The following FAM20C variants were observed in gnomAD, a reference collection of about 807,000 sequenced individuals.
FAM20C encodes the protein extracellular serine/threonine protein kinase FAM20C.
Under a neutral mutation model 51.5 loss-of-function variants are expected in FAM20C, and 40 were observed. That is an observed-to-expected ratio of 0.78 (90% CI 0.60 to 1.01). The LOEUF (loss-of-function observed/expected upper bound fraction) is 1.01, where lower values mean the gene tolerates loss of function less well. Among genes scored for constraint, FAM20C ranks in the 50% least tolerant of loss-of-function variants. The probability of loss-of-function intolerance (pLI) is 0.00; values close to 1 mark genes in which losing one functional copy is unlikely to be tolerated. For missense variants in FAM20C, 861 were observed against 844.7 expected (o/e 1.02, Z -0.24); for synonymous variants, 406 against 380.6 (o/e 1.07, Z -0.78).
intron 1 of FAM20C, chr7:195,323 A>C: frequency 2.3e-6 from 1 of 438,060 alleles, no homozygotes; most frequent in Non-Finnish European, 4.0e-6. Flanking sequence ...TGGTGTCTCC[A>C]GAGGGTGAGT....
At chr7:219,713 C>T (rs1433830271) in intron 3 of FAM20C, among the ~76,000 whole-genome samples, 5 of 152,126 alleles carry the variant, frequency 3.3e-5, no homozygotes, top group African/African-American at 9.7e-5. Flanking sequence ...CCTCCAGGGC[C>T]GGGGTAAGGA....
At position 256,175 on chromosome 7, in the gene FAM20C, C is replaced by T. The variant is rs575909221; in HGVS notation, c.1253+146C>T. On this transcript the variant is annotated intron_variant, in intron 6 of 9. Coordinates refer to ENST00000313766, the MANE Select transcript of FAM20C (RefSeq NM_020223.4). The stretch of plus-strand genomic sequence containing the variant: ...GCGATGCTGGCCTGTGTGAGATGAC[C>T]GCTTCCTGATGAGACGGTGGCAGAG... 2.6e-4 allele frequency: 274 copies of T among 1,035,874 alleles called. 1 individual carries two copies. Among genetic ancestry groups the T allele is most frequent in the Non-Finnish European group, 3.2e-4 (238 of 734,996 alleles). The allele number at this position is 1,035,874 out of a possible 1,614,324, so 64.2% of individuals were successfully genotyped here.
intron 3 of FAM20C, among the ~76,000 whole-genome samples, chr7:218,410 G>A (rs1332148316): frequency 1.3e-5 from 2 of 152,212 alleles, no homozygotes. Flanking sequence ...CAGTTCACCC[G>A]CACTGACCCT....
At chr7:242,744 G>A (rs1340383613) in intron 3 of FAM20C, among the ~76,000 whole-genome samples, 2 of 152,200 alleles carry the variant, frequency 1.3e-5, no homozygotes, top group African/African-American at 2.4e-5. Flanking sequence ...ACAGCCATGT[G>A]TGGCCACTGG....
Position 228,242 on chromosome 7 carries a change from C to T in FAM20C, c.864-18173C>T, listed in dbSNP as rs553033897. ...AATTCTGAGAAAATAAAAGATAGGTCAGTAGGCGACCCCTGCCCTGGGCAG... is the reference window on the plus strand; with the variant it reads ...AATTCTGAGAAAATAAAAGATAGGTTAGTAGGCGACCCCTGCCCTGGGCAG... On this transcript the variant is annotated intron_variant, in intron 3 of 9. Coordinates refer to ENST00000313766, the MANE Select transcript of FAM20C (RefSeq NM_020223.4). The T allele has an allele frequency of 1.8e-5, 6 of 337,686 alleles. No individual in the cohort carries two copies. In the Admixed American group the frequency reaches 2.3e-4, roughly 13 times the overall value. 20.9% of individuals were successfully genotyped at this position (337,686 alleles called of 1,614,324 possible).
chr7:235,299 G>A (rs1007417555), intron 3 of FAM20C, among the ~76,000 whole-genome samples: 4 of 152,010 alleles, frequency 2.6e-5, no homozygotes, highest in Admixed American at 2.6e-4. Context: ...TGGGGTATCC[G>A]GCGCCTTCTG....
intron 3 of FAM20C, among the ~76,000 whole-genome samples, chr7:210,611 T>C (rs1013553417): frequency 2.6e-5 from 4 of 151,924 alleles, no homozygotes; most frequent in African/African-American, 9.7e-5. Flanking sequence ...TGTGGGAGCA[T>C]TTTTCAGCCT....
At chr7:218,449 C>T (rs976986780) in intron 3 of FAM20C, among the ~76,000 whole-genome samples, 5 of 152,220 alleles carry the variant, frequency 3.3e-5, no homozygotes, top group African/African-American at 1.2e-4. Context: ...CGGGACTGCA[C>T]GACCTGCTCA....
At position 258,656 on chromosome 7, in the gene FAM20C, T is replaced by C. The variant is rs1788744575; in HGVS notation, c.1456T>C (p.Tyr486His). 3 of 1,536,750 alleles carry C rather than the reference T, an allele frequency of 2.0e-6. No homozygotes were observed. Among genetic ancestry groups the C allele is most frequent in the Non-Finnish European group, 2.6e-6 (3 of 1,146,552 alleles). The change falls in exon 9 of 10, where the codon TAT (tyrosine) becomes CAT (histidine). Residue 486 changes from tyrosine (Y) to histidine (H), a missense_variant. By Grantham distance (83) the Tyr-to-His change is moderately conservative (BLOSUM62 2). Transcript: ENST00000313766. ...CTTTTCTTCTGGAAGGTTTGGGAAG[T>C]ATTCGCACGACGAGCTCTCCATCCT... is the stretch of plus-strand genomic sequence containing the variant. ...HLDNGRGFGK[Y>H]SHDELSILVP...
At chr7:249,150 A>G (rs796306435) in intron 5 of FAM20C, among the ~76,000 whole-genome samples, 3 of 152,352 alleles carry the variant, frequency 2.0e-5, no homozygotes, top group African/African-American at 7.2e-5. Flanking sequence ...CCAGCCAGCA[A>G]ACATCCATGG....
chr7:227,655 G>A (rs1179601255), intron 3 of FAM20C: 1 of 152,124 alleles, frequency 6.6e-6, no homozygotes, highest in African/African-American at 2.4e-5. Context: ...CAGGCTACCG[G>A]GGAGCCCGCG....
At chr7:240,504 G>A (rs1787909626) in intron 3 of FAM20C, among the ~76,000 whole-genome samples, 2 of 152,024 alleles carry the variant, frequency 1.3e-5, no homozygotes, top group South Asian at 4.1e-4. Flanking sequence ...TGATGGTGGA[G>A]GTGATGATGA....
chr7:244,606 GC>G (rs1442551506), intron 3 of FAM20C, among the ~76,000 whole-genome samples: 1 of 152,228 alleles, frequency 6.6e-6, no homozygotes, highest in Non-Finnish European at 1.5e-5. Flanking sequence ...ACCTGCCACT[GC>G]CCTGCCCTGC....
Position 260,087 on chromosome 7 carries a change from C to A in FAM20C, c.*107C>A. The A allele has an allele frequency of 7.3e-7, 1 of 1,377,482 alleles. No homozygotes were observed. Among genetic ancestry groups the A allele is most frequent in the Non-Finnish European group, 9.5e-7 (1 of 1,057,542 alleles). The allele number at this position is 1,377,482 out of a possible 1,614,324, so 85.3% of individuals were successfully genotyped here. On this transcript the variant is annotated 3_prime_UTR_variant, in exon 10 of 10. Transcript: ENST00000313766. ...AGTGAATTCAGAGGCAGGACGGGAT[C>A]ATCCGGAGTCGGGAGCTGCTGCCAC...
chr7:201,900 C>T (rs753184599), intron 2 of FAM20C, among the ~76,000 whole-genome samples: 10 of 152,174 alleles, frequency 6.6e-5, no homozygotes, highest in Non-Finnish European at 1.3e-4. Flanking sequence ...GCACTCTGTT[C>T]GTGCATGTTA....
intron 5 of FAM20C, among the ~76,000 whole-genome samples, chr7:249,076 T>C (rs975128557): frequency 6.6e-6 from 1 of 152,260 alleles, no homozygotes; most frequent in Non-Finnish European, 1.5e-5. Context: ...TTGTTTATTT[T>C]AACTGGTGAA....
At chr7:258,779 C>A in intron 9 of FAM20C, 74 bp downstream of exon 9, 1 of 1,369,744 alleles carries the variant, frequency 7.3e-7, no homozygotes, top group Non-Finnish European at 9.8e-7. Context: ...AGGCCACAGC[C>A]TTCCCCACCC....
intron 8 of FAM20C, among the ~76,000 whole-genome samples, chr7:258,351 C>A (rs1219675091): frequency 1.8e-5 from 2 of 113,688 alleles, no homozygotes; most frequent in African/African-American, 3.2e-5. Context: ...CAGGGTGGAC[C>A]CACTGCCTGA....
chr7:220,474 G>T (rs766775340), intron 3 of FAM20C, among the ~76,000 whole-genome samples: 1 of 152,204 alleles, frequency 6.6e-6, no homozygotes, highest in Non-Finnish European at 1.5e-5. Flanking sequence ...ATGCGTGGAG[G>T]GACTGAAACG....
Sources: gnomAD v4.1 joint callset for allele counts (sites outside exome capture counted in the v4.1 genomes callset) on GRCh38, gnomAD v4.1.1 for gene constraint, MANE v1.5 for transcripts, NCBI Gene and HGNC (gene_info 2026-07-23, HGNC 2026-07-21) for gene names.